MED27: variants seen among roughly 807,000 people sequenced by gnomAD.
MED27 encodes the protein mediator of RNA polymerase II transcription subunit 27.
A neutral mutation model predicts 38.2 loss-of-function variants in MED27; 30 were observed. The ratio of observed to expected loss-of-function variants is 0.79; its 90% CI spans 0.59 to 1.07. MED27 has a LOEUF of 1.07. Ranked by LOEUF, MED27 falls within the 50% of genes least tolerant of loss-of-function variation. MED27 has a pLI of 0.00. For missense variants in MED27, 289 were observed against 397.5 expected, an observed-to-expected ratio of 0.73 and a Z score of 2.32; for synonymous variants, 122 against 153.5, an observed-to-expected ratio of 0.79 and a Z score of 1.52.
chr9:131,869,312 AT>A (rs1443939209), intron 6 of MED27: 3 of 981,330 alleles, frequency 3.1e-6, no homozygotes, highest in South Asian at 4.7e-5. Context: ...CACCTTCAAT[AT>A]TTTTTTGTTT....
At chr9:131,904,178 C>T (rs139264890) in intron 4 of MED27, among the ~76,000 whole-genome samples, 2,011 of 151,810 alleles carry the variant, frequency 0.013, 45 homozygotes, top group African/African-American at 0.045. Context: ...GGATTACAGG[C>T]GTGAGCCACT....
chr9:131,867,554 C>T (rs893986554), intron 6 of MED27, among the ~76,000 whole-genome samples: 1 of 152,208 alleles, frequency 6.6e-6, no homozygotes, highest in African/African-American at 2.4e-5. Flanking sequence ...AATCCCATTA[C>T]AGTGGTGGCA....
intron 4 of MED27, among the ~76,000 whole-genome samples, chr9:131,930,997 G>C (rs577700087): frequency 6.6e-6 from 1 of 152,152 alleles, no homozygotes; most frequent in Non-Finnish European, 1.5e-5. Flanking sequence ...TGTAATCCCA[G>C]CACTTTGGGA....
intron 4 of MED27, among the ~76,000 whole-genome samples, chr9:131,902,060 C>T (rs1435924859): frequency 6.6e-6 from 1 of 152,152 alleles, no homozygotes; most frequent in Non-Finnish European, 1.5e-5. Context: ...ATGGACTCCT[C>T]CAGCCACCCA....
At chr9:131,944,201 C>CAATG (rs1014754289) in intron 3 of MED27, among the ~76,000 whole-genome samples, 3 of 152,194 alleles carry the variant, frequency 2.0e-5, no homozygotes, top group Non-Finnish European at 2.9e-5. Context: ...TTGCTCCTTT[C>CAATG]AATGGCCTTA....
At chr9:132,049,912 A>G (rs747799981) in intron 2 of MED27, among the ~76,000 whole-genome samples, 3 of 152,200 alleles carry the variant, frequency 2.0e-5, no homozygotes, top group Non-Finnish European at 4.4e-5. Flanking sequence ...CCAGAATTGG[A>G]ATGTCTGTAT....
At chr9:131,908,439 G>A (rs1196247559) in intron 4 of MED27, among the ~76,000 whole-genome samples, 1 of 152,258 alleles carries the variant, frequency 6.6e-6, no homozygotes, top group East Asian at 1.9e-4. Flanking sequence ...TAGAAAGCGG[G>A]GAAAGGTGGG....
At chr9:131,984,329 C>G (rs558987143) in intron 3 of MED27, among the ~76,000 whole-genome samples, 1 of 152,262 alleles carries the variant, frequency 6.6e-6, no homozygotes. Context: ...ACCACAAGGG[C>G]AGGAGTCTGT....
chr9:131,996,192 G>A lies in MED27; in HGVS notation c.479+18145C>T, dbSNP rs146846995. On this transcript the variant is annotated intron_variant, in intron 3 of 7. Transcript: ENST00000292035. ...AAATTGGTTCTGCTCGTAAGAAGCA[G>A]GGGCTGCTGTTACACAATGGAAGCA... is the stretch of plus-strand genomic sequence containing the variant. Among the ~76,000 whole-genome samples the A allele has an allele frequency of 3.0e-3, 457 of 152,358 alleles. 1 individual carries two copies. The highest frequency in any genetic ancestry group is 6.8e-3 in the Middle Eastern group (2 of 294).
intron 5 of MED27, among the ~76,000 whole-genome samples, chr9:131,891,045 GGA>G (rs139965685): frequency 3.9e-5 from 6 of 152,328 alleles, no homozygotes; most frequent in African/African-American, 1.4e-4. Context: ...TGTGCTGTAA[GGA>G]GAGGCAAACC....
intron 2 of MED27, among the ~76,000 whole-genome samples, chr9:132,047,988 T>C (rs1016171801): frequency 6.6e-6 from 1 of 152,192 alleles, no homozygotes; most frequent in Admixed American, 6.5e-5. Context: ...GAGTTATTTA[T>C]ATCCTACTGC....
chr9:132,007,440 A>T (rs1832383282), intron 3 of MED27, among the ~76,000 whole-genome samples: 2 of 152,228 alleles, frequency 1.3e-5, no homozygotes. Flanking sequence ...AGAAGAAATC[A>T]GAAGGAAAAT....
chr9:131,926,132 T>A (rs1830478931), intron 4 of MED27, among the ~76,000 whole-genome samples: 1 of 152,194 alleles, frequency 6.6e-6, no homozygotes, highest in South Asian at 2.1e-4. Flanking sequence ...CCATCTGGCA[T>A]CATTTTATGC....
At chr9:131,908,656 G>A (rs941496627) in intron 4 of MED27, among the ~76,000 whole-genome samples, 4 of 152,144 alleles carry the variant, frequency 2.6e-5, no homozygotes, top group Non-Finnish European at 4.4e-5. Context: ...GATGTGCTTT[G>A]TTAAACCGAT....
rs1833850401 is a variant in MED27, at chr9:132,068,147, C to G, written c.348+9295G>C. On this transcript the variant is annotated intron_variant, in intron 2 of 7. Coordinates refer to ENST00000292035, the MANE Select transcript of MED27 (RefSeq NM_004269.4). ...CCATGACGACAACAACGGGCCTGTG[C>G]TGGGGCTGCTAACGGTCAACAGGTC... Among the ~76,000 whole-genome samples the G allele has an allele frequency of 6.6e-5, 10 of 152,246 alleles. No individual in the cohort carries two copies. In the South Asian group the frequency reaches 2.1e-3, roughly 32 times the overall value.
intron 5 of MED27, among the ~76,000 whole-genome samples, chr9:131,891,029 TA>T (rs1168025151): frequency 6.6e-6 from 1 of 152,250 alleles, no homozygotes; most frequent in Non-Finnish European, 1.5e-5. Context: ...ATAATGATGA[TA>T]ACTCTGTGCT....
chr9:132,025,187 T>G (rs1165298142), intron 2 of MED27, among the ~76,000 whole-genome samples: 2 of 152,002 alleles, frequency 1.3e-5, no homozygotes, highest in Non-Finnish European at 2.9e-5. Context: ...AGTGAATTTT[T>G]TTTTTTTTTT....
At chr9:132,079,011 A>G (rs1834115224) in intron 1 of MED27, among the ~76,000 whole-genome samples, 1 of 152,238 alleles carries the variant, frequency 6.6e-6, no homozygotes, top group Admixed American at 6.5e-5. Flanking sequence ...GGCGTTAAGC[A>G]TAAGTAATTA....
chr9:131,970,123 C>T (rs55934315), intron 3 of MED27, among the ~76,000 whole-genome samples: 73 of 152,344 alleles, frequency 4.8e-4, no homozygotes, highest in African/African-American at 1.8e-3. Flanking sequence ...GCAAATTGGG[C>T]AAGGTCCTCT....
Sources: allele counts gnomAD v4.1 joint callset (sites outside exome capture counted in the v4.1 genomes callset), GRCh38; gene constraint gnomAD v4.1.1; transcripts MANE v1.5; gene names NCBI Gene and HGNC (gene_info 2026-07-23, HGNC 2026-07-21).